ADAMTS20: variants seen among roughly 807,000 people sequenced by gnomAD.
ADAMTS20 encodes A disintegrin and metalloproteinase with thrombospondin motifs 20.
Under a neutral mutation model 260.1 loss-of-function variants are expected in ADAMTS20, and 225 were observed. That is an observed-to-expected ratio of 0.87 (90% CI 0.78 to 0.97). The LOEUF (loss-of-function observed/expected upper bound fraction) is 0.97. Among genes scored for constraint, ADAMTS20 ranks in the 50% least tolerant of loss-of-function variants. The probability of loss-of-function intolerance (pLI) is 0.00; values close to 1 mark genes in which losing one functional copy is unlikely to be tolerated. For synonymous variants in ADAMTS20, 802 were observed against 769.5 expected, an observed-to-expected ratio of 1.04 and a Z score of -0.70; for missense variants, 2,400 against 2,337.7, an observed-to-expected ratio of 1.03 and a Z score of -0.55.
intron 7 of ADAMTS20, among the ~76,000 whole-genome samples, chr12:43,472,035 T>G (rs899501109): frequency 2.0e-5 from 3 of 152,064 alleles, no homozygotes; most frequent in Admixed American, 2.0e-4. Context: ...ATCAAATTAC[T>G]CTGAGCTACG....
At chr12:43,499,917 C>T (rs1230270448) in intron 4 of ADAMTS20, among the ~76,000 whole-genome samples, 2 of 152,154 alleles carry the variant, frequency 1.3e-5, no homozygotes, top group South Asian at 4.1e-4. Context: ...TTTATTCCTT[C>T]TAGTCAGTAT....
At chr12:43,391,195 CTTTTA>C (rs1940589047) in intron 29 of ADAMTS20, among the ~76,000 whole-genome samples, 1 of 152,158 alleles carries the variant, frequency 6.6e-6, no homozygotes, top group Admixed American at 6.5e-5. Context: ...TCTGGAGTGT[CTTTTA>C]TAAGAGAACT....
chr12:43,502,465 G>A (rs957833563), intron 3 of ADAMTS20, 60 bp from the exon 4 acceptor site: 22 of 1,508,232 alleles, frequency 1.5e-5, no homozygotes, highest in East Asian at 2.3e-5. Context: ...GAAAAATATC[G>A]CAAAAAATAG....
chr12:43,432,367 T>G lies in ADAMTS20; in HGVS notation c.3033A>C (p.Arg1011=). Residue 1011 remains arginine (R), a synonymous_variant, in exon 21 of 39, where the codon CGA becomes CGC. Transcript: ENST00000389420. ...LADNECQELS[R]VTRENCNEFS... ...ATTCATTGCAATTCTCTCTCGTCAC[T>G]CGGGACAGTTCTTGGCATTCATTGT... 1.2e-6 allele frequency: 2 copies of G among 1,613,846 alleles called. No homozygotes were observed. Among genetic ancestry groups the G allele is most frequent in the South Asian group, 1.1e-5 (1 of 91,086 alleles).
intron 11 of ADAMTS20, among the ~76,000 whole-genome samples, chr12:43,462,535 A>C (rs1423466153): frequency 6.6e-6 from 1 of 152,226 alleles, no homozygotes; most frequent in Non-Finnish European, 1.5e-5. Flanking sequence ...TTAAGGGAGA[A>C]AACGTATGAA....
intron 19 of ADAMTS20, among the ~76,000 whole-genome samples, 183 bp downstream of exon 19, chr12:43,434,058 TATGA>T (rs1941502582): frequency 6.6e-6 from 1 of 152,356 alleles, no homozygotes; most frequent in Admixed American, 6.5e-5. Context: ...CAGAAAATAC[TATGA>T]ATGAAAATTC....
intron 29 of ADAMTS20, among the ~76,000 whole-genome samples, chr12:43,386,321 C>A (rs943920587): frequency 6.6e-6 from 1 of 152,168 alleles, no homozygotes; most frequent in South Asian, 2.1e-4. Flanking sequence ...CCCCCACTCT[C>A]TTCTGGCTTG....
chr12:43,460,178 C>T (rs886452910), intron 11 of ADAMTS20, among the ~76,000 whole-genome samples: 15 of 152,324 alleles, frequency 9.8e-5, no homozygotes, highest in African/African-American at 3.6e-4. Context: ...TTATAATCCA[C>T]ATGATGCTAC....
chr12:43,503,462 C>A (rs1432642748), intron 3 of ADAMTS20, among the ~76,000 whole-genome samples: 1 of 151,924 alleles, frequency 6.6e-6, no homozygotes, highest in East Asian at 1.9e-4. Context: ...GAATGTAATC[C>A]TATGGCTGTA....
At chr12:43,550,844 C>G in intron 2 of ADAMTS20, 65 bp downstream of exon 2, 1 of 1,456,892 alleles carries the variant, frequency 6.9e-7, no homozygotes, top group Non-Finnish European at 9.1e-7. Context: ...ACCCAAGGCC[C>G]CGTTCGCTGA....
At chr12:43,414,335 T>C (rs761896653) in intron 28 of ADAMTS20, among the ~76,000 whole-genome samples, 2 of 152,166 alleles carry the variant, frequency 1.3e-5, no homozygotes, top group Non-Finnish European at 2.9e-5. Context: ...CTCCCATCTA[T>C]CTACTTAATG....
chr12:43,464,618 A>T lies in ADAMTS20; in HGVS notation c.1482T>A (p.Gly494=). ...TATGGGGACACATTTGTGACCCAGG[A>T]CCAAACGCAAGCTCACACTGCTTGT... ...DGNKQCELAF[G]PGSQMCPHIN... is the part of the protein sequence containing the mutation. Residue 494 remains glycine (G), a synonymous_variant, in exon 10 of 39, where the codon GGT becomes GGA. Coordinates refer to ENST00000389420, the MANE Select transcript of ADAMTS20 (RefSeq NM_025003.5). 1 of 1,613,360 alleles carries T rather than the reference A, an allele frequency of 6.2e-7. No individual in the cohort carries two copies. Among genetic ancestry groups the T allele is most frequent in the East Asian group, 2.2e-5 (1 of 44,852 alleles).
chr12:43,436,223 C>A (rs1941552016), intron 18 of ADAMTS20, among the ~76,000 whole-genome samples: 1 of 152,128 alleles, frequency 6.6e-6, no homozygotes, highest in Admixed American at 6.5e-5. Context: ...TCATTCATGA[C>A]ATAGAACCCA....
chr12:43,426,507 A>G (rs1261360819), intron 27 of ADAMTS20, among the ~76,000 whole-genome samples: 5 of 152,228 alleles, frequency 3.3e-5, no homozygotes, highest in Non-Finnish European at 7.4e-5. Flanking sequence ...ATCCAAAGCT[A>G]ATAGAAATCT....
intron 3 of ADAMTS20, among the ~76,000 whole-genome samples, chr12:43,510,235 A>G (rs914297086): frequency 6.6e-6 from 1 of 152,082 alleles, no homozygotes. Context: ...TAAAATTTGT[A>G]TAATGAGCCT....
chr12:43,387,030 C>T (rs1374867920), intron 29 of ADAMTS20, among the ~76,000 whole-genome samples: 4 of 152,178 alleles, frequency 2.6e-5, no homozygotes, highest in Admixed American at 2.6e-4. Context: ...TGTTCCTTTG[C>T]TGGCGAGGAG....
chr12:43,543,804 C>T (rs1343014281), intron 2 of ADAMTS20, among the ~76,000 whole-genome samples: 4 of 152,088 alleles, frequency 2.6e-5, no homozygotes, highest in African/African-American at 7.2e-5. Context: ...CTAGGTAGAA[C>T]CAGGCAACTA....
chr12:43,385,911 A>T (rs1171222500), intron 29 of ADAMTS20, among the ~76,000 whole-genome samples: 1 of 152,140 alleles, frequency 6.6e-6, no homozygotes, highest in Non-Finnish European at 1.5e-5. Context: ...GAATTTATTC[A>T]TTTCTTCGAG....
intron 4 of ADAMTS20, among the ~76,000 whole-genome samples, chr12:43,497,406 C>T (rs539735942): frequency 6.6e-6 from 1 of 152,210 alleles, no homozygotes; most frequent in South Asian, 2.1e-4. Context: ...AGGCCACCTT[C>T]ATTAAGAAGT....
Sources: gnomAD v4.1 joint callset for allele counts (sites outside exome capture counted in the v4.1 genomes callset) on GRCh38, gnomAD v4.1.1 for gene constraint, MANE v1.5 for transcripts, NCBI Gene and HGNC (gene_info 2026-07-23, HGNC 2026-07-21) for gene names.